BRINP2: variants seen among roughly 807,000 people sequenced by gnomAD.
The protein encoded by BRINP2 is BMP/retinoic acid inducible neural specific 2.
BRINP2 carries 21 observed loss-of-function variants against 69.2 expected under a neutral mutation model. The observed-to-expected ratio is 0.30, with a 90% CI of 0.22 to 0.44. BRINP2 has a LOEUF of 0.44. BRINP2 is among the 20% of genes least tolerant of loss of function. The probability of loss-of-function intolerance (pLI) is 1.00; values close to 1 mark genes in which losing one functional copy is unlikely to be tolerated. For synonymous variants in BRINP2, 380 were observed against 394.1 expected (o/e 0.96, Z 0.42); for missense variants, 877 against 986.0 (o/e 0.89, Z 1.48).
chr1:177,240,490 A>G (rs1306603525), intron 2 of BRINP2, among the ~76,000 whole-genome samples: 2 of 152,230 alleles, frequency 1.3e-5, no homozygotes, highest in Non-Finnish European at 2.9e-5. Context: ...TTAAAATTCA[A>G]TGAACCATCC....
At chr1:177,220,209 G>A (rs1212459298) in intron 1 of BRINP2, among the ~76,000 whole-genome samples, 1 of 152,212 alleles carries the variant, frequency 6.6e-6, no homozygotes, top group Non-Finnish European at 1.5e-5. Context: ...AGGAAATGGG[G>A]GAGTGGAGAG....
At chr1:177,201,888 G>T (rs567030156) in intron 1 of BRINP2, among the ~76,000 whole-genome samples, 3 of 151,724 alleles carry the variant, frequency 2.0e-5, no homozygotes, top group South Asian at 2.1e-4. Context: ...GCCTGTTATT[G>T]GTCTATTCAG....
intron 2 of BRINP2, among the ~76,000 whole-genome samples, chr1:177,230,905 C>T (rs985379692): frequency 2.6e-5 from 4 of 152,196 alleles, no homozygotes; most frequent in Admixed American, 2.0e-4. Flanking sequence ...TGCCATTTTT[C>T]CCCTTACTTG....
At chr1:177,205,127 T>C (rs1649034202) in intron 1 of BRINP2, among the ~76,000 whole-genome samples, 1 of 152,168 alleles carries the variant, frequency 6.6e-6, no homozygotes, top group South Asian at 2.1e-4. Flanking sequence ...AGCACTTCTT[T>C]CTTCACCTAT....
intron 4 of BRINP2, among the ~76,000 whole-genome samples, chr1:177,269,026 T>C (rs1651220055): frequency 6.6e-6 from 1 of 152,142 alleles, no homozygotes; most frequent in South Asian, 2.1e-4. Flanking sequence ...TTTTAAAATA[T>C]TGAAACACTT....
intron 2 of BRINP2, among the ~76,000 whole-genome samples, chr1:177,236,219 C>T (rs1054409225): frequency 2.6e-5 from 4 of 152,168 alleles, no homozygotes; most frequent in African/African-American, 9.7e-5. Flanking sequence ...AGACGCAGCA[C>T]AAGGCATCTT....
At chr1:177,204,643 A>G (rs958433121) in intron 1 of BRINP2, among the ~76,000 whole-genome samples, 1 of 152,212 alleles carries the variant, frequency 6.6e-6, no homozygotes, top group Non-Finnish European at 1.5e-5. Flanking sequence ...ATTACTTTTA[A>G]TTGAACCCCT....
At chr1:177,171,933 G>T (rs554183379) in intron 1 of BRINP2, among the ~76,000 whole-genome samples, 31 of 152,298 alleles carry the variant, frequency 2.0e-4, no homozygotes, top group Non-Finnish European at 3.7e-4. Context: ...GCTAGAGATT[G>T]CTCTGGTATT....
At chr1:177,185,026 GAT>G (rs1473559317) in intron 1 of BRINP2, among the ~76,000 whole-genome samples, 1 of 152,004 alleles carries the variant, frequency 6.6e-6, no homozygotes, top group African/African-American at 2.4e-5. Flanking sequence ...ACAAGCAGAT[GAT>G]ATACAGACCG....
chr1:177,261,423 G>C (rs1650951752), intron 4 of BRINP2, among the ~76,000 whole-genome samples: 1 of 152,232 alleles, frequency 6.6e-6, no homozygotes, highest in Admixed American at 6.5e-5. Flanking sequence ...CAATAGATTG[G>C]AAGAAAGGAA....
chr1:177,255,855 A>G, intron 2 of BRINP2, 64 bp from the exon 3 acceptor site: 1 of 1,513,534 alleles, frequency 6.6e-7, no homozygotes. Flanking sequence ...TACCTACTTC[A>G]GATTTTATGC....
chr1:177,259,031 G>T (rs894605038), intron 4 of BRINP2, among the ~76,000 whole-genome samples: 9 of 152,214 alleles, frequency 5.9e-5, no homozygotes, highest in African/African-American at 9.7e-5. Context: ...GCATAGTGAG[G>T]AAGGCATGTC....
chr1:177,262,123 A>C (rs932220169), intron 4 of BRINP2, among the ~76,000 whole-genome samples: 1 of 152,230 alleles, frequency 6.6e-6, no homozygotes, highest in African/African-American at 2.4e-5. Context: ...GGCAAATGGA[A>C]AAATGAGTGA....
Position 177,281,974 on chromosome 1 carries a change from T to C in BRINP2, c.*446T>C, listed in dbSNP as rs1436636043. ...CCCCTCTGTGGAGTCACTTTTGTAT[T>C]CTTTTTAACCAGATTTCTTAAAATG... On this transcript the variant is annotated 3_prime_UTR_variant, in exon 8 of 8. Coordinates refer to ENST00000361539, the MANE Select transcript of BRINP2 (RefSeq NM_021165.4). 1 of 154,476 alleles carries C rather than the reference T, an allele frequency of 6.5e-6. No homozygotes were observed. Among genetic ancestry groups the C allele is most frequent in the African/African-American group, 2.4e-5 (1 of 41,494 alleles). The allele number at this position is 154,476 out of a possible 1,614,324, so 9.6% of individuals were successfully genotyped here.
At chr1:177,211,134 A>G (rs1048452188) in intron 1 of BRINP2, among the ~76,000 whole-genome samples, 17 of 152,046 alleles carry the variant, frequency 1.1e-4, no homozygotes, top group African/African-American at 4.1e-4. Flanking sequence ...TACAACGTCT[A>G]AGGTATTCCT....
At chr1:177,208,178 G>GT (rs1263875120) in intron 1 of BRINP2, among the ~76,000 whole-genome samples, 4 of 152,320 alleles carry the variant, frequency 2.6e-5, no homozygotes, top group African/African-American at 9.6e-5. Flanking sequence ...ATGAAAAGCA[G>GT]TAAGAGCAAT....
intron 3 of BRINP2, 21 bp downstream of exon 3, chr1:177,256,130 A>G: frequency 6.2e-7 from 1 of 1,609,960 alleles, no homozygotes; most frequent in Non-Finnish European, 8.5e-7. Flanking sequence ...TCACAATCCC[A>G]AGCTAATTGG....
chr1:177,202,630 T>C (rs925692582), intron 1 of BRINP2, among the ~76,000 whole-genome samples: 2 of 152,328 alleles, frequency 1.3e-5, no homozygotes, highest in Admixed American at 6.5e-5. Flanking sequence ...AACTATGTGG[T>C]CAATTTTGGA....
chr1:177,222,687 T>C (rs1475227856), intron 1 of BRINP2, among the ~76,000 whole-genome samples: 7 of 150,614 alleles, frequency 4.6e-5, no homozygotes, highest in Non-Finnish European at 7.4e-5. Context: ...AGCACTATTA[T>C]TGTTATCTTA....
Sources: allele counts gnomAD v4.1 joint callset (sites outside exome capture counted in the v4.1 genomes callset), GRCh38; gene constraint gnomAD v4.1.1; transcripts MANE v1.5; gene names NCBI Gene and HGNC (gene_info 2026-07-23, HGNC 2026-07-21).